The following BRAF variants were observed in gnomAD, a reference collection of about 807,000 sequenced individuals.
The protein encoded by BRAF is serine/threonine-protein kinase B-raf.
In BRAF, 16 loss-of-function variants were observed where a neutral mutation model predicts 104.6. The ratio of observed to expected loss-of-function variants is 0.15; its 90% CI spans 0.10 to 0.23. BRAF has a LOEUF of 0.23. Ranked by LOEUF, BRAF falls within the 10% of genes least tolerant of loss-of-function variation. BRAF has a pLI of 1.00. For synonymous variants in BRAF, 310 were observed against 341.6 expected, an observed-to-expected ratio of 0.91 and a Z score of 1.02; for missense variants, 541 against 937.3, an observed-to-expected ratio of 0.58 and a Z score of 5.52.
intron 2 of BRAF, chr7:140,835,437 A>T (rs1807220906): frequency 6.5e-6 from 1 of 154,910 alleles, no homozygotes; most frequent in Non-Finnish European, 1.4e-5. Flanking sequence ...AAGATGTGTA[A>T]CTGCCACATT....
At chr7:140,882,718 C>T (rs913754899) in intron 1 of BRAF, among the ~76,000 whole-genome samples, 5 of 147,980 alleles carry the variant, frequency 3.4e-5, no homozygotes, top group African/African-American at 9.9e-5. Flanking sequence ...TTTGGCTGGG[C>T]GCGGTGACTC....
chr7:140,838,482 C>T (rs1365670240), intron 2 of BRAF, among the ~76,000 whole-genome samples: 2 of 151,754 alleles, frequency 1.3e-5, no homozygotes, highest in African/African-American at 4.8e-5. Flanking sequence ...GACTCCATCT[C>T]AAAAAAGAAA....
chr7:140,787,411 AAAAC>A (rs1801499170), intron 9 of BRAF, 133 bp downstream of exon 9: 3 of 823,942 alleles, frequency 3.6e-6, no homozygotes, highest in South Asian at 1.7e-5. Context: ...ACACTACAGA[AAAAC>A]AAAAAAATTT....
chr7:140,781,441 G>T (rs1800860545), intron 12 of BRAF, 135 bp downstream of exon 11: 2 of 887,340 alleles, frequency 2.3e-6, no homozygotes, highest in African/African-American at 1.7e-5. Context: ...ACTTTTGGAG[G>T]AGTCCTGAAA....
rs1010234921 is a variant in BRAF at position 140,723,552 on chromosome 7, C to T, written c.*2942G>A. ...CACACTGAATTTTCTATTCACAAAT[C>T]CCTTTTATAAACTATTTTTTTGGTC... On this transcript the variant is annotated 3_prime_UTR_variant, in exon 20 of 20. Coordinates refer to ENST00000644969, the MANE Select transcript of BRAF (RefSeq NM_001374258.1). 1 of 1,049,618 alleles carries T rather than the reference C, an allele frequency of 9.5e-7. No individual in the cohort carries two copies. Among genetic ancestry groups the T allele is most frequent in the Non-Finnish European group, 1.1e-6 (1 of 869,678 alleles). The allele number at this position is 1,049,618 out of a possible 1,614,324, so 65.0% of individuals were successfully genotyped here. A position where few individuals can be genotyped will look rare whatever the true frequency, so the allele number is the denominator to read the frequency against.
At chr7:140,908,299 C>CAT (rs1225712767) in intron 1 of BRAF, among the ~76,000 whole-genome samples, 1 of 152,162 alleles carries the variant, frequency 6.6e-6, no homozygotes, top group African/African-American at 2.4e-5. Context: ...AAGAATTCTA[C>CAT]ATATATATTA....
chr7:140,845,110 C>T (rs1808407269), intron 2 of BRAF, among the ~76,000 whole-genome samples: 1 of 152,176 alleles, frequency 6.6e-6, no homozygotes, highest in South Asian at 2.1e-4. Context: ...TAAACTCTTG[C>T]ATATATAGTC....
intron 14 of BRAF, among the ~76,000 whole-genome samples, chr7:140,758,978 A>G (rs1798435118): frequency 6.6e-6 from 1 of 152,254 alleles, no homozygotes; most frequent in Non-Finnish European, 1.5e-5. Context: ...TTCTGTCACT[A>G]CAGATTAATT....
chr7:140,774,560 C>T (rs897869207), intron 14 of BRAF, among the ~76,000 whole-genome samples: 1 of 152,202 alleles, frequency 6.6e-6, no homozygotes, highest in African/African-American at 2.4e-5. Context: ...CTCTGTTACC[C>T]AGGCTGGATG....
chr7:140,840,714 C>T (rs2129066925), intron 2 of BRAF, among the ~76,000 whole-genome samples: 1 of 151,438 alleles, frequency 6.6e-6, no homozygotes, highest in South Asian at 2.1e-4. Flanking sequence ...TGGCTTGAGC[C>T]TAGGAGGTAG....
intron 14 of BRAF, among the ~76,000 whole-genome samples, chr7:140,770,102 G>A (rs1279885551): frequency 6.6e-6 from 1 of 152,176 alleles, no homozygotes; most frequent in Non-Finnish European, 1.5e-5. Context: ...GCCAATTCCA[G>A]TGGGTGGAAA....
rs534953257 is a variant in BRAF at position 140,826,005 on chromosome 7, T to TC, written c.504+8603dup. Among the ~76,000 whole-genome samples, 16 of 152,328 alleles carry TC rather than the reference T, an allele frequency of 1.1e-4. No individual in the cohort carries two copies. In the South Asian group the frequency reaches 1.5e-3, roughly 14 times the overall value. On this transcript the variant is annotated intron_variant, in intron 3 of 19. Transcript: ENST00000644969. ...TATTTCTATTCTTACCTTTTGGAACTCTTTGAGGCATATAATGCTCATTCC... is the reference window on the plus strand; with the variant it reads ...TATTTCTATTCTTACCTTTTGGAACTCCTTTGAGGCATATAATGCTCATTCC...
At chr7:140,820,847 C>T (rs930390697) in intron 3 of BRAF, among the ~76,000 whole-genome samples, 5 of 152,134 alleles carry the variant, frequency 3.3e-5, no homozygotes, top group African/African-American at 1.2e-4. Flanking sequence ...ATGGGAGGAT[C>T]ACCTGAGCCT....
At chr7:140,873,810 T>C (rs780689228) in intron 1 of BRAF, among the ~76,000 whole-genome samples, 1 of 152,178 alleles carries the variant, frequency 6.6e-6, no homozygotes, top group African/African-American at 2.4e-5. Flanking sequence ...TCAGGCAACA[T>C]GGTGGCCTGA....
chr7:140,795,078 A>G (rs1802371243), intron 7 of BRAF, among the ~76,000 whole-genome samples: 1 of 152,220 alleles, frequency 6.6e-6, no homozygotes, highest in South Asian at 2.1e-4. Flanking sequence ...CAGAGACACA[A>G]GAGAATCATA....
intron 14 of BRAF, among the ~76,000 whole-genome samples, chr7:140,766,818 T>A (rs1053077702): frequency 1.3e-5 from 2 of 151,914 alleles, no homozygotes; most frequent in South Asian, 4.2e-4. Flanking sequence ...CTAAAGTGCT[T>A]GGATTACAAG....
intron 14 of BRAF, among the ~76,000 whole-genome samples, chr7:140,759,943 C>T (rs1299613257): frequency 6.6e-6 from 1 of 152,218 alleles, no homozygotes; most frequent in Non-Finnish European, 1.5e-5. Flanking sequence ...ACTCAGACCA[C>T]ATTCTGAGCA....
rs368859030 is a variant in BRAF at position 140,753,259 on chromosome 7, T to C, written c.1980+16A>G. 61 of 1,578,538 alleles carry C rather than the reference T, an allele frequency of 3.9e-5. 2 individuals are homozygous for C. The African/African-American group carries it at 4.3e-4, about 11-fold the overall frequency. ...GCCAAAAATTTAATCAGTGGAAAAA[T>C]AGCCTCAATTCTTACCATCCACAAA... On this transcript the variant is annotated intron_variant, in intron 16 of 19. Transcript: ENST00000644969.
intron 14 of BRAF, among the ~76,000 whole-genome samples, chr7:140,760,421 GAAAAAAA>G (rs55872126): frequency 3.6e-5 from 4 of 111,260 alleles, no homozygotes; most frequent in Non-Finnish European, 7.7e-5. Context: ...TTGAGAGAGA[GAAAAAAA>G]AAAAAAAAAA....
Sources: allele counts gnomAD v4.1 joint callset (sites outside exome capture counted in the v4.1 genomes callset), GRCh38; gene constraint gnomAD v4.1.1; transcripts MANE v1.5; gene names NCBI Gene and HGNC (gene_info 2026-07-23, HGNC 2026-07-21).